Variants in GEMIN4 observed in about 807,000 individuals in gnomAD.
GEMIN4 encodes gem-associated protein 4.
A neutral mutation model predicts 76.8 loss-of-function variants in GEMIN4; 59 were observed. That is an observed-to-expected ratio of 0.77 (90% CI 0.62 to 0.95). GEMIN4 has a LOEUF of 0.95. Ranked by LOEUF, GEMIN4 falls within the 40% of genes least tolerant of loss-of-function variation. The pLI, the probability that GEMIN4 is intolerant of heterozygous loss-of-function variation, is 0.00. For missense variants in GEMIN4, 1,311 were observed against 1,318.9 expected, an observed-to-expected ratio of 0.99 and a Z score of 0.09; for synonymous variants, 562 against 559.7, an observed-to-expected ratio of 1.00 and a Z score of -0.06.
In GEMIN4 at chr17:746,968, C is replaced by T. The variant is rs768593291; in HGVS notation, c.1075G>A (p.Ala359Thr). Residue 359 changes from alanine (A) to threonine (T), a missense_variant, in exon 2 of 2, where the codon GCG becomes ACG. Around this residue, in one of 2 missense-constraint regions of GEMIN4, gnomAD observed 1,208 missense variants for 1,166.9 expected, o/e 1.04. Coordinates refer to ENST00000319004, the MANE Select transcript of GEMIN4 (RefSeq NM_015721.3). The surrounding 1 kb of genome is among the most constrained non-coding windows in gnomAD (Gnocchi z 4.3). ...CTGGTGCGGTTCAGGTAGAGCGTCGCGTTCTGGCTGAAGGAAGTCAGACTG... is the reference window on the plus strand; with the variant it reads ...CTGGTGCGGTTCAGGTAGAGCGTCGTGTTCTGGCTGAAGGAAGTCAGACTG... ...CDSLTSFSQN[A>T]TLYLNRTSLS... The T allele has an allele frequency of 1.1e-5, 17 of 1,613,112 alleles. No homozygotes were observed. Among genetic ancestry groups the T allele is most frequent in the African/African-American group, 6.7e-5 (5 of 74,902 alleles).
In GEMIN4 at chr17:746,634, G is replaced by C. The variant is rs767924197; in HGVS notation, c.1409C>G (p.Ala470Gly). Residue 470 changes from alanine to glycine, a missense_variant, in exon 2 of 2, where the codon GCC becomes GGC. Around this residue, in one of 2 missense-constraint regions of GEMIN4, gnomAD observed 1,208 missense variants for 1,166.9 expected, o/e 1.04. Transcript: ENST00000319004. The surrounding 1 kb of genome is among the most constrained non-coding windows in gnomAD (Gnocchi z 4.3). ...TVIDVSTADR[A>G]IPESQIRQVI... is the part of the protein sequence containing the mutation. ...CTGCCGGATCTGAGACTCAGGGATG[G>C]CTCTGTCAGCTGTGCTGACGTCTAT... 1.9e-6 allele frequency: 3 copies of C among 1,613,560 alleles called. No individual in the cohort carries two copies. The highest frequency in any genetic ancestry group is 1.1e-5 in the South Asian group (1 of 91,076).
At position 747,675 on chromosome 17, in the gene GEMIN4, C is replaced by T. The variant is rs1422493287; in HGVS notation, c.368G>A (p.Gly123Glu). 6.8e-6 allele frequency: 11 copies of T among 1,613,784 alleles called. No individual in the cohort carries two copies. The highest frequency in any genetic ancestry group is 8.5e-6 in the Non-Finnish European group (10 of 1,179,854). The change falls in exon 2 of 2, where the codon GGA (glycine) becomes GAA (glutamate). Residue 123 changes from glycine to glutamate, a missense_variant. By Grantham distance (98) the Gly-to-Glu change is moderately conservative. Transcript: ENST00000319004. Reference protein sequence around the residue: ...FELLKSLEASGLFIQLLMALP... With the variant: ...FELLKSLEASELFIQLLMALP... ...GGCCATCAGGAGCTGGATAAAGAGT[C>T]CAGAAGCTTCCAGGGATTTGAGCAG...
At position 746,699 on chromosome 17, in the gene GEMIN4, G is replaced by A. The variant is rs573450739; in HGVS notation, c.1344C>T (p.Phe448=). Residue 448 remains phenylalanine (F), a synonymous_variant, in exon 2 of 2, where the codon TTC becomes TTT. Transcript: ENST00000319004. The surrounding 1 kb of genome is among the most constrained non-coding windows in gnomAD (Gnocchi z 4.3). The part of the protein sequence containing the change: ...VACLGSNRAL[F]RQPDLVLRLL... ...GCCTCAACACCAAGTCTGGCTGTCG[G>A]AAGAGGGCCCTGTTACTCCCCAGGC... 1.2e-6 allele frequency: 2 copies of A among 1,613,592 alleles called. No homozygotes were observed. Among genetic ancestry groups the A allele is most frequent in the South Asian group, 2.2e-5 (2 of 91,080 alleles).
rs1398402149 is a variant in GEMIN4 at position 747,092 on chromosome 17, G to A, written c.951C>T (p.Cys317=). 26 of 1,613,504 alleles carry A rather than the reference G, an allele frequency of 1.6e-5. No homozygotes were observed. The highest frequency in any genetic ancestry group is 2.2e-5 in the East Asian group (1 of 44,878). The change falls in exon 2 of 2, where the codon TGC becomes TGT. Residue 317 remains cysteine (C), a synonymous_variant. Coordinates refer to ENST00000319004, the MANE Select transcript of GEMIN4 (RefSeq NM_015721.3). ...KLPSETIFVG[C]EFLHHLLREW... ...CCCGCAGCAGGTGGTGCAGGAACTC[G>A]CAGCCCACGAAAATGGTCTCACTGG...
chr17:745,405 G>A lies in GEMIN4; in HGVS notation c.2638C>T (p.Leu880=), dbSNP rs1238721454. 6.2e-7 allele frequency: 1 copy of A among 1,612,934 alleles called. No individual in the cohort carries two copies. ...GGGACATGGAGGAGCTGCTTCTCCA[G>A]CAGTCTCCTGGTCAGCTGGTGAAGG... ...QRLHQLTRRL[L]EKQLLHVPYS... The change falls in exon 2 of 2, where the codon CTG becomes TTG. Residue 880 remains leucine, a synonymous_variant. Transcript: ENST00000319004. The surrounding 1 kb of genome is among the most constrained non-coding windows in gnomAD (Gnocchi z 4.6).
upstream of GEMIN4, chr17:752,366 C>T (rs868693676): frequency 3.2e-5 from 34 of 1,055,730 alleles, no homozygotes; most frequent in African/African-American, 5.2e-4. Context: ...CAGAGCCCTC[C>T]CACCAGCCCT....
In GEMIN4 at chr17:747,084, A is replaced by G; in HGVS notation, c.959T>C (p.Leu320Pro). Residue 320 changes from leucine (L) to proline (P), a missense_variant, in exon 2 of 2, where the codon CTG becomes CCG. Leu to Pro is a moderately conservative substitution (Grantham distance 98, BLOSUM62 -3). Transcript: ENST00000319004. ...CCCCCACTCCCGCAGCAGGTGGTGCAGGAACTCGCAGCCCACGAAAATGGT... is the reference window on the plus strand; with the variant it reads ...CCCCCACTCCCGCAGCAGGTGGTGCGGGAACTCGCAGCCCACGAAAATGGT... ...SETIFVGCEF[L>P]HHLLREWGEE... 1 of 1,613,628 alleles carries G rather than the reference A, an allele frequency of 6.2e-7. No individual in the cohort carries two copies. Among genetic ancestry groups the G allele is most frequent in the African/African-American group, 1.3e-5 (1 of 75,046 alleles).
intron 1 of GEMIN4, among the ~76,000 whole-genome samples, chr17:750,462 C>G (rs1904612531): frequency 6.6e-6 from 1 of 152,204 alleles, no homozygotes; most frequent in South Asian, 2.1e-4. Context: ...CAAACCTTTT[C>G]ATGGTTGGCA....
In GEMIN4 at chr17:747,742, C is replaced by T. The variant is rs1488653363; in HGVS notation, c.301G>A (p.Gly101Ser). The change falls in exon 2 of 2, where the codon GGC becomes AGC. Residue 101 changes from glycine (G) to serine (S), a missense_variant. By Grantham distance (56) the Gly-to-Ser change is moderately conservative. Around this residue, in one of 2 missense-constraint regions of GEMIN4, gnomAD observed 103 missense variants for 152.0 expected, o/e 0.68. Transcript: ENST00000319004. ...TGGTTGATGGTGGGGATCATGTTGC[C>T]CACCGAGAAGAACAGGTCTTCCTGC... ...RWQEDLFFSV[G>S]NMIPTINHTI... The T allele has an allele frequency of 6.2e-7, 1 of 1,613,362 alleles. No individual in the cohort carries two copies. Among genetic ancestry groups the T allele is most frequent in the Non-Finnish European group, 8.5e-7 (1 of 1,179,778 alleles).
At chr17:748,821 G>A (rs1226634505) in intron 1 of GEMIN4, 1 of 208,096 alleles carries the variant, frequency 4.8e-6, no homozygotes, top group Non-Finnish European at 9.3e-6. Context: ...CACAGCCACA[G>A]GATAATGGGC....
At chr17:754,367 A>G (rs1904895145), upstream of GEMIN4, 1 of 152,266 alleles carries the variant, frequency 6.6e-6, no homozygotes, top group South Asian at 2.1e-4. Flanking sequence ...GGCATATGGG[A>G]TTTCCTGGTA....
Position 747,038 on chromosome 17 carries a change from G to C in GEMIN4, c.1005C>G (p.Leu335=). 6.2e-7 allele frequency: 1 copy of C among 1,613,390 alleles called. No individual in the cohort carries two copies. Among genetic ancestry groups the C allele is most frequent in the Non-Finnish European group, 8.5e-7 (1 of 1,179,838 alleles). The change falls in exon 2 of 2, where the codon CTC becomes CTG. Residue 335 remains leucine (L), a synonymous_variant. Coordinates refer to ENST00000319004, the MANE Select transcript of GEMIN4 (RefSeq NM_015721.3). ...CGTAACTTGTCCCCTGGCTGCTGCG[G>C]AGCACGGCCTGCAACTCCTCCCCCC... ...REWGEELQAV[L]RSSQGTSYDS... is the part of the protein sequence containing the mutation.
rs769561665 is a variant in GEMIN4 at position 744,599 on chromosome 17, C to T, written c.*267G>A. 19 of 348,786 alleles carry T rather than the reference C, an allele frequency of 5.4e-5. No homozygotes were observed. The highest frequency in any genetic ancestry group is 6.8e-5 in the Non-Finnish European group (13 of 192,224). The allele number at this position is 348,786 out of a possible 1,614,324, so 21.6% of individuals were successfully genotyped here. A position where few individuals can be genotyped will look rare whatever the true frequency, so the allele number is the denominator to read the frequency against. The stretch of plus-strand genomic sequence containing the variant: ...TTTAATCCTGGGCTATTGCTGAGGC[C>T]GACTTAGAAGAGACAAAGTGAGATG... On this transcript the variant is annotated 3_prime_UTR_variant, in exon 2 of 2. Transcript: ENST00000319004.
In GEMIN4 at chr17:746,315, C is replaced by T; in HGVS notation, c.1728G>A (p.Lys576=). 1.2e-6 allele frequency: 2 copies of T among 1,613,806 alleles called. No individual in the cohort carries two copies. The highest frequency in any genetic ancestry group is 1.7e-6 in the Non-Finnish European group (2 of 1,179,906). The part of the protein sequence containing the change: ...SLAVVNLGTH[K]FLAQILTAFP... ...AGGCAGTGAGAATCTGGGCCAGGAA[C>T]TTGTGGGTGCCGAGATTGACCACAG... is the stretch of plus-strand genomic sequence containing the variant. Residue 576 remains lysine (K), a synonymous_variant, in exon 2 of 2, where the codon AAG becomes AAA. Transcript: ENST00000319004. The surrounding 1 kb of genome is among the most constrained non-coding windows in gnomAD (Gnocchi z 4.3).
intron 1 of GEMIN4, 184 bp downstream of exon 1, chr17:751,949 G>C (rs1050141399): frequency 2.5e-6 from 1 of 394,998 alleles, no homozygotes; most frequent in Non-Finnish European, 4.4e-6. Context: ...GGCCCAACGC[G>C]CGGCGGGACC....
At position 744,983 on chromosome 17, in the gene GEMIN4, AG is replaced by A; in HGVS notation, c.3059del (p.Pro1020LeufsTer16). The A allele has an allele frequency of 6.2e-7, 1 of 1,613,972 alleles. No homozygotes were observed. The highest frequency in any genetic ancestry group is 8.5e-7 in the Non-Finnish European group (1 of 1,179,888). On this transcript the variant is annotated frameshift_variant, in exon 2 of 2. Coordinates refer to ENST00000319004, the MANE Select transcript of GEMIN4 (RefSeq NM_015721.3). LOFTEE classifies it high-confidence loss of function. ...CCCTCTGGAGCAAGGAGCTGACAGA[AG>A]GGTTGGTCTTGCTCAAAGTCTCATA... Reference protein sequence around the residue: ...TCYETLSKTNPSVSSLLQRAH... With the variant: ...TCYETLSKTNXSVSSLLQRAH...
chr17:751,294 G>A (rs936520776), intron 1 of GEMIN4, among the ~76,000 whole-genome samples: 1 of 152,182 alleles, frequency 6.6e-6, no homozygotes, highest in Admixed American at 6.5e-5. Flanking sequence ...GGGTGTCCCA[G>A]CCTGAATGTG....
In GEMIN4 at chr17:746,593, G is replaced by A. The variant is rs746812180; in HGVS notation, c.1450C>T (p.Leu484=). Residue 484 remains leucine (L), a synonymous_variant, in exon 2 of 2, where the codon CTG becomes TTG. Coordinates refer to ENST00000319004, the MANE Select transcript of GEMIN4 (RefSeq NM_015721.3). The surrounding 1 kb of genome is among the most constrained non-coding windows in gnomAD (Gnocchi z 4.3). The part of the protein sequence containing the change: ...SQIRQVIHLI[L]ECYADLSLPG... Reference sequence around the variant, plus strand: ...AGGGAGAGGTCTGCGTAACATTCCAGGATCAGGTGGATCACCTGCCGGATC... The same window carrying A: ...AGGGAGAGGTCTGCGTAACATTCCAAGATCAGGTGGATCACCTGCCGGATC... 1.2e-6 allele frequency: 2 copies of A among 1,613,616 alleles called. No homozygotes were observed. The highest frequency in any genetic ancestry group is 2.2e-5 in the East Asian group (1 of 44,870).
In GEMIN4 at chr17:745,284, T is replaced by C. The variant is rs1974349437; in HGVS notation, c.2759A>G (p.Gln920Arg). The change falls in exon 2 of 2, where the codon CAG becomes CGG. Residue 920 changes from glutamine (Q) to arginine (R), a missense_variant. Around this residue, in one of 2 missense-constraint regions of GEMIN4, gnomAD observed 1,208 missense variants for 1,166.9 expected, o/e 1.04. Coordinates refer to ENST00000319004, the MANE Select transcript of GEMIN4 (RefSeq NM_015721.3). The surrounding 1 kb of genome is among the most constrained non-coding windows in gnomAD (Gnocchi z 4.6). The part of the protein sequence containing the change: ...QLSVLFLRTF[Q>R]FLCSHSCRDW... ...ACGACAGCTATGGCTGCAGAGAAAC[T>C]GGAAAGTCCTCAGGAAGAGGACGGA... is the stretch of plus-strand genomic sequence containing the variant. 3 of 1,611,810 alleles carry C rather than the reference T, an allele frequency of 1.9e-6. No individual in the cohort carries two copies. The South Asian group carries it at 3.3e-5, about 18-fold the overall frequency.
Sources: allele counts gnomAD v4.1 joint callset (sites outside exome capture counted in the v4.1 genomes callset), GRCh38; gene constraint gnomAD v4.1.1; regional missense constraint gnomAD v4.1.1; non-coding constraint Gnocchi (gnomAD v3.1); transcripts MANE v1.5; gene names NCBI Gene and HGNC (gene_info 2026-07-23, HGNC 2026-07-21).